The following AMACR variants were observed in gnomAD, a reference collection of about 807,000 sequenced individuals.
AMACR encodes the protein 2-methylacyl-CoA racemase.
In AMACR, 18 loss-of-function variants were observed where a neutral mutation model predicts 22.2. The ratio of observed to expected loss-of-function variants is 0.81; its 90% CI spans 0.56 to 1.20. AMACR has a LOEUF of 1.20. Among genes scored for constraint, AMACR ranks in the 50% most tolerant of loss-of-function variants. The probability of loss-of-function intolerance (pLI) is 0.00; values close to 1 mark genes in which losing one functional copy is unlikely to be tolerated. For missense variants in AMACR, 499 were observed against 490.6 expected (o/e 1.02, Z -0.16); for synonymous variants, 213 against 191.3 (o/e 1.11, Z -0.94).
At chr5:33,989,687 G>A (rs1295258758) in intron 4 of AMACR, among the ~76,000 whole-genome samples, 185 bp from the exon 5 acceptor site, 1 of 152,174 alleles carries the variant, frequency 6.6e-6, no homozygotes, top group East Asian at 1.9e-4. Flanking sequence ...AGAGGGCAGA[G>A]GTAGTCAGAC....
In AMACR at chr5:33,988,420, A is replaced by C; in HGVS notation, c.*673T>G. The C allele has an allele frequency of 6.5e-7, 1 of 1,536,530 alleles. No individual in the cohort carries two copies. Among genetic ancestry groups the C allele is most frequent in the Non-Finnish European group, 8.7e-7 (1 of 1,146,560 alleles). Reference sequence around the variant, plus strand: ...GCTGACAGCCCAGAGACCCACGGGGAAACAGGCCCCGAGTTACTGGATACA... The same window carrying C: ...GCTGACAGCCCAGAGACCCACGGGGCAACAGGCCCCGAGTTACTGGATACA... On this transcript the variant is annotated 3_prime_UTR_variant, in exon 5 of 5. Coordinates refer to ENST00000335606, the MANE Select transcript of AMACR (RefSeq NM_014324.6).
At position 33,988,537 on chromosome 5, in the gene AMACR, C is replaced by A; in HGVS notation, c.*556G>T. 7.2e-7 allele frequency: 1 copy of A among 1,388,882 alleles called. No individual in the cohort carries two copies. The allele number at this position is 1,388,882 out of a possible 1,614,324, so 86.0% of individuals were successfully genotyped here. A position where few individuals can be genotyped will look rare whatever the true frequency, so the allele number is the denominator to read the frequency against. Reference sequence around the variant, plus strand: ...TGGATATGTTTTTTTCAGTTGAAGGCATTCTGATTCAATACAGGTGAAACT... The same window carrying A: ...TGGATATGTTTTTTTCAGTTGAAGGAATTCTGATTCAATACAGGTGAAACT... On this transcript the variant is annotated 3_prime_UTR_variant, in exon 5 of 5. Transcript: ENST00000335606.
At chr5:33,999,323 G>C (rs148721905) in intron 3 of AMACR, among the ~76,000 whole-genome samples, 1 of 152,242 alleles carries the variant, frequency 6.6e-6, no homozygotes, top group East Asian at 1.9e-4. Flanking sequence ...ATTCTGGCTT[G>C]ATTCCAATCC....
At position 34,007,883 on chromosome 5, in the gene AMACR, A is replaced by C. The variant is rs1396372839; in HGVS notation, c.137T>G (p.Leu46Trp). Reference sequence around the variant, plus strand: ...CACTAGCGAGCGCTTGCCCCGGCCCAAGCGGCTCACGTCGTAGCGGGAGCC... The same window carrying C: ...CACTAGCGAGCGCTTGCCCCGGCCCCAGCGGCTCACGTCGTAGCGGGAGCC... The part of the protein sequence containing the change: ...RPGSRYDVSR[L>W]GRGKRSLVLD... The change falls in exon 1 of 5, where the codon TTG (leucine) becomes TGG (tryptophan). Residue 46 changes from leucine (L) to tryptophan (W), a missense_variant. Coordinates refer to ENST00000335606, the MANE Select transcript of AMACR (RefSeq NM_014324.6). 1.3e-6 allele frequency: 2 copies of C among 1,598,130 alleles called. No individual in the cohort carries two copies. The highest frequency in any genetic ancestry group is 2.7e-5 in the African/African-American group (2 of 74,682).
intron 2 of AMACR, 77 bp from the exon 3 acceptor site, chr5:34,004,811 G>A: frequency 6.7e-7 from 1 of 1,491,214 alleles, no homozygotes. Context: ...GCATCTTAGA[G>A]GAATAATCAA....
At chr5:33,989,811 C>T (rs1429366603) in intron 4 of AMACR, among the ~76,000 whole-genome samples, 1 of 152,032 alleles carries the variant, frequency 6.6e-6, no homozygotes, top group African/African-American at 2.4e-5. Flanking sequence ...AAAAAATTTC[C>T]CCAGGGTGTT....
rs890284811 is a variant in AMACR, at chr5:33,996,995, G to A, written c.739+1646C>T. The A allele has an allele frequency of 9.7e-6, 6 of 617,590 alleles. No homozygotes were observed. In the Admixed American group the frequency reaches 1.1e-4, roughly 11 times the overall value. 38.3% of individuals were successfully genotyped at this position (617,590 alleles called of 1,614,324 possible). On this transcript the variant is annotated intron_variant, in intron 4 of 4. Coordinates refer to ENST00000335606, the MANE Select transcript of AMACR (RefSeq NM_014324.6). ...CACATTAAATTATTTAAAATGTCCA[G>A]TATTTTTTTTTAATTTTACACGTTT...
chr5:34,007,931 C>CCA lies in AMACR; in HGVS notation c.88_89insTG (p.Arg30LeufsTer15). 6.2e-7 allele frequency: 1 copy of CCA among 1,610,054 alleles called. No homozygotes were observed. The highest frequency in any genetic ancestry group is 8.5e-7 in the Non-Finnish European group (1 of 1,179,430). On this transcript the variant is annotated frameshift_variant, in exon 1 of 5. Coordinates refer to ENST00000335606, the MANE Select transcript of AMACR (RefSeq NM_014324.6). LOFTEE classifies it high-confidence loss of function. ...GCCGGGCCGGTCCACGCGTACCACA[C>CCA]GCGCCCCGAAGTCAGCCAGGACCAT...
rs7733150 is a variant in AMACR, at chr5:34,004,786, A to T, written c.392-52T>A. 4,591 of 1,573,516 alleles carry T rather than the reference A, an allele frequency of 2.9e-3. 107 individuals are homozygous for T. In the African/African-American group the frequency reaches 0.055, roughly 19 times the overall value. Reference sequence around the variant, plus strand: ...TCTCTTTTAAATTTAATCTCTTCTTAAAATAAATATGTGAGCATCTTAGAG... The same window carrying T: ...TCTCTTTTAAATTTAATCTCTTCTTTAAATAAATATGTGAGCATCTTAGAG... On this transcript the variant is annotated intron_variant, in intron 2 of 4. Coordinates refer to ENST00000335606, the MANE Select transcript of AMACR (RefSeq NM_014324.6).
chr5:33,999,794 C>T (rs141394664), intron 3 of AMACR, among the ~76,000 whole-genome samples: 87 of 152,296 alleles, frequency 5.7e-4, no homozygotes, highest in African/African-American at 1.9e-3. Context: ...TGAAATTTCA[C>T]GCACATCTGA....
chr5:34,007,894 G>T lies in AMACR; in HGVS notation c.126C>A (p.Asp42Glu), dbSNP rs777278136. The T allele has an allele frequency of 6.2e-7, 1 of 1,601,500 alleles. No homozygotes were observed. Among genetic ancestry groups the T allele is most frequent in the East Asian group, 2.2e-5 (1 of 44,562 alleles). Residue 42 changes from aspartate (D) to glutamate (E), a missense_variant, in exon 1 of 5, where the codon GAC (aspartate) becomes GAA (glutamate). Transcript: ENST00000335606. The part of the protein sequence containing the change: ...VRVDRPGSRY[D>E]VSRLGRGKRS... ...GCTTGCCCCGGCCCAAGCGGCTCAC[G>T]TCGTAGCGGGAGCCGGGCCGGTCCA...
chr5:33,988,375 A>C lies in AMACR; in HGVS notation c.*718T>G. The C allele has an allele frequency of 6.5e-7, 1 of 1,538,992 alleles. No homozygotes were observed. The highest frequency in any genetic ancestry group is 1.4e-5 in the African/African-American group (1 of 73,266). ...CTTGCTACCAGCCTGAGGAGAAATC[A>C]AACACATGGAGAAAGGAAAGCTGAC... is the stretch of plus-strand genomic sequence containing the variant. On this transcript the variant is annotated 3_prime_UTR_variant, in exon 5 of 5. Coordinates refer to ENST00000335606, the MANE Select transcript of AMACR (RefSeq NM_014324.6).
chr5:34,007,762 C>T lies in AMACR; in HGVS notation c.247+11G>A, dbSNP rs758161523. On this transcript the variant is annotated intron_variant, in intron 1 of 4. Coordinates refer to ENST00000335606, the MANE Select transcript of AMACR (RefSeq NM_014324.6). ...AACTTCCCGAGAGCAGCCCGCGGGGCCCGGGCTCACCGCGGCGGAAGGGCT... is the reference window on the plus strand; with the variant it reads ...AACTTCCCGAGAGCAGCCCGCGGGGTCCGGGCTCACCGCGGCGGAAGGGCT... 1.9e-6 allele frequency: 3 copies of T among 1,543,930 alleles called. No homozygotes were observed. The highest frequency in any genetic ancestry group is 1.9e-5 in the Admixed American group (1 of 51,716).
chr5:33,998,481 C>G (rs1039736668), intron 4 of AMACR, among the ~76,000 whole-genome samples, 160 bp downstream of exon 4: 1 of 151,882 alleles, frequency 6.6e-6, no homozygotes, highest in African/African-American at 2.4e-5. Flanking sequence ...AATTTAAAAG[C>G]CATGGAAAAT....
In AMACR at chr5:33,989,193, G is replaced by T. The variant is rs764977396; in HGVS notation, c.1049C>A (p.Thr350Asn). 1.9e-6 allele frequency: 3 copies of T among 1,614,150 alleles called. No individual in the cohort carries two copies. The highest frequency in any genetic ancestry group is 2.5e-6 in the Non-Finnish European group (3 of 1,180,018). ...FKRDPFIGEHTEEILEEFGFS... is the reference protein window; with the variant it reads ...FKRDPFIGEHNEEILEEFGFS... ...TCCAAATTCTTCAAGTATCTCCTCA[G>T]TGTGTTCTCCTATGAAAGGATCCCT... is the stretch of plus-strand genomic sequence containing the variant. Residue 350 changes from threonine to asparagine, a missense_variant, in exon 5 of 5, where the codon ACT becomes AAT. Thr to Asn is a moderately conservative substitution (Grantham distance 65). Transcript: ENST00000335606.
Position 34,005,768 on chromosome 5 carries a change from A to G in AMACR, c.379T>C (p.Leu127=). The G allele has an allele frequency of 6.2e-7, 1 of 1,614,192 alleles. No individual in the cohort carries two copies. The highest frequency in any genetic ancestry group is 1.1e-5 in the South Asian group (1 of 91,092). ...CRLAGHDINY[L]ALSGVLSKIG... is the part of the protein sequence containing the mutation. ...TTTTTCAACATACCTGACAAAGCCA[A>G]ATAGTTGATATCGTGGCCAGCTAAC... The change falls in exon 2 of 5, where the codon TTG becomes CTG. Residue 127 remains leucine (L), a synonymous_variant. Transcript: ENST00000335606.
intron 4 of AMACR, among the ~76,000 whole-genome samples, chr5:33,990,601 C>T (rs1239835337): frequency 6.6e-6 from 1 of 152,188 alleles, no homozygotes; most frequent in Non-Finnish European, 1.5e-5. Context: ...AAGTGCATGG[C>T]TAAGTGTCGA....
rs757274246 is a variant in AMACR, at chr5:34,007,758, G to C, written c.247+15C>G. ...CGGGAACTTCCCGAGAGCAGCCCGC[G>C]GGGCCCGGGCTCACCGCGGCGGAAG... On this transcript the variant is annotated intron_variant, in intron 1 of 4. Transcript: ENST00000335606. 1.9e-6 allele frequency: 3 copies of C among 1,539,512 alleles called. No individual in the cohort carries two copies. The highest frequency in any genetic ancestry group is 2.6e-6 in the Non-Finnish European group (3 of 1,149,012).
chr5:33,991,655 T>C (rs887087110), intron 4 of AMACR, among the ~76,000 whole-genome samples: 9 of 151,982 alleles, frequency 5.9e-5, no homozygotes, highest in African/African-American at 1.9e-4. Context: ...ATTAAGTATA[T>C]AGTAAGCAGT....
Sources: allele counts gnomAD v4.1 joint callset (sites outside exome capture counted in the v4.1 genomes callset), GRCh38; gene constraint gnomAD v4.1.1; transcripts MANE v1.5; gene names NCBI Gene and HGNC (gene_info 2026-07-23, HGNC 2026-07-21).